The following RSRP1 variants were observed in gnomAD, a reference collection of about 807,000 sequenced individuals.
RSRP1 encodes the protein arginine/serine-rich protein 1.
Under a neutral mutation model 33.0 loss-of-function variants are expected in RSRP1, and 37 were observed. The observed-to-expected ratio is 1.12, with a 90% CI of 0.86 to 1.48. The LOEUF (loss-of-function observed/expected upper bound fraction) is 1.48, where lower values mean the gene tolerates loss of function less well. RSRP1 is among the 40% of genes most tolerant of loss of function. The pLI, the probability that RSRP1 is intolerant of heterozygous loss-of-function variation, is 0.00. For missense variants in RSRP1, 402 were observed against 385.3 expected (o/e 1.04, Z -0.36); for synonymous variants, 167 against 158.7 (o/e 1.05, Z -0.40).
intron 4 of RSRP1, 23 bp from the exon 5 acceptor site, chr1:25,242,728 A>G: frequency 1.4e-6 from 2 of 1,475,238 alleles, no homozygotes; most frequent in Non-Finnish European, 1.9e-6. Flanking sequence ...AAATTCAGTC[A>G]GCTTCCCAAA....
intron 1 of RSRP1, among the ~76,000 whole-genome samples, chr1:25,299,788 C>T (rs1557538764): frequency 7.5e-6 from 1 of 132,560 alleles, no homozygotes; most frequent in African/African-American, 2.6e-5. Flanking sequence ...GTCACTCTGT[C>T]GCTGAAGCTG....
intron 1 of RSRP1, among the ~76,000 whole-genome samples, chr1:25,331,117 A>G (rs141553028): frequency 0.043 from 5,477 of 126,198 alleles, 901 homozygotes; most frequent in African/African-American, 0.14. Context: ...ACAGGTGCCC[A>G]CCATCATGCC....
intron 1 of RSRP1, among the ~76,000 whole-genome samples, chr1:25,255,245 C>T (rs941178442): frequency 6.6e-6 from 1 of 152,176 alleles, no homozygotes; most frequent in African/African-American, 2.4e-5. Context: ...AAGAGGCTTC[C>T]TTTTTGAAGG....
chr1:25,268,149 G>A (rs569283807), intron 1 of RSRP1, among the ~76,000 whole-genome samples: 1 of 133,954 alleles, frequency 7.5e-6, no homozygotes, highest in African/African-American at 2.5e-5. Context: ...TGGTGCTGAG[G>A]ATACAACAGC....
In RSRP1 at chr1:25,311,917, C is replaced by T. The variant is rs1459451543; in HGVS notation, c.-67+26061G>A. On this transcript the variant is annotated intron_variant, in intron 1 of 1. Transcript: ENST00000561867. ...CATTTCAAAGGGTGCTGTGAACAGC[C>T]ACCCCAGAGAGCCCCTAGTAGAGCA... Among the ~76,000 whole-genome samples the T allele has an allele frequency of 8.4e-5, 11 of 130,926 alleles. 1 individual carries two copies. The highest frequency in any genetic ancestry group is 2.9e-4 in the African/African-American group (11 of 37,340). 85.9% of individuals were successfully genotyped at this position (130,926 alleles called of 152,430 possible).
At chr1:25,266,499 T>C (rs597590) in intron 1 of RSRP1, among the ~76,000 whole-genome samples, 1 of 122,110 alleles carries the variant, frequency 8.2e-6, no homozygotes, top group East Asian at 1.9e-4. Flanking sequence ...TGGTAAGAAC[T>C]TGTCCATTTA....
At chr1:25,258,419 C>A (rs559798969) in intron 1 of RSRP1, among the ~76,000 whole-genome samples, 1 of 152,054 alleles carries the variant, frequency 6.6e-6, no homozygotes, top group African/African-American at 2.4e-5. Flanking sequence ...ACGCTGTGAT[C>A]CACCTGCCTG....
chr1:25,283,427 A>C (rs1364979401), intron 1 of RSRP1, among the ~76,000 whole-genome samples: 1 of 130,972 alleles, frequency 7.6e-6, no homozygotes, highest in East Asian at 2.0e-4. Flanking sequence ...GCTACTTGGG[A>C]GGCTGAGGCA....
chr1:25,243,486 C>G (rs929088377), intron 4 of RSRP1, 64 bp downstream of exon 4: 3 of 1,578,534 alleles, frequency 1.9e-6, no homozygotes, highest in Non-Finnish European at 2.6e-6. Flanking sequence ...AAGATAAAAA[C>G]ACAAAGATGC....
Position 25,311,188 on chromosome 1 carries a change from G to A in RSRP1, c.-67+26790C>T, listed in dbSNP as rs998141222. 4.6e-5 allele frequency among the ~76,000 whole-genome samples: 6 copies of A among 131,646 alleles called. 1 individual carries two copies. The highest frequency in any genetic ancestry group is 4.4e-4 in the Admixed American group (6 of 13,576). The allele number at this position is 131,646 out of a possible 152,430, so 86.4% of individuals were successfully genotyped here. A position where few individuals can be genotyped will look rare whatever the true frequency, so the allele number is the denominator to read the frequency against. On this transcript the variant is annotated intron_variant, in intron 1 of 1. Coordinates refer to the RSRP1 transcript ENST00000561867. ...ACTGAAGAACCACGTGTTGGAAACTGGAGCAAAGGTCATCCTTTTTATAAA... is the reference window on the plus strand; with the variant it reads ...ACTGAAGAACCACGTGTTGGAAACTAGAGCAAAGGTCATCCTTTTTATAAA...
intron 1 of RSRP1, among the ~76,000 whole-genome samples, chr1:25,256,204 G>A (rs1029060178): frequency 6.6e-6 from 1 of 150,718 alleles, no homozygotes; most frequent in Non-Finnish European, 1.5e-5. Flanking sequence ...GTCCAGGCCG[G>A]AGTGCAGTGG....
At chr1:25,275,105 C>T (rs1018591768) in intron 1 of RSRP1, among the ~76,000 whole-genome samples, 1 of 132,236 alleles carries the variant, frequency 7.6e-6, no homozygotes, top group African/African-American at 2.6e-5. Context: ...GCCTGGCCAA[C>T]ATGGTAAAAC....
chr1:25,306,481 G>A (rs1165286777), intron 1 of RSRP1: 3 of 1,001,090 alleles, frequency 3.0e-6, no homozygotes, highest in Non-Finnish European at 4.7e-6. Context: ...TCTTTGAGGT[G>A]AGCCTTAGTG....
chr1:25,307,868 C>A lies in RSRP1; in HGVS notation c.-67+30110G>T. The A allele has an allele frequency of 1.6e-6, 2 of 1,281,756 alleles. 1 individual carries two copies. The highest frequency in any genetic ancestry group is 2.6e-5 in the South Asian group (2 of 77,698). 79.4% of individuals were successfully genotyped at this position (1,281,756 alleles called of 1,614,324 possible). ...AGGGGATGAGCTGTGTGAAGCAAGG[C>A]GCCTCTGTGATGGGTTCCAGTGATG... On this transcript the variant is annotated intron_variant, in intron 1 of 1. Transcript: ENST00000561867.
Position 25,271,765 on chromosome 1 carries a change from A to G in RSRP1, c.-66-24736T>C, listed in dbSNP as rs190246820. Among the ~76,000 whole-genome samples the G allele has an allele frequency of 1.3e-4, 17 of 131,204 alleles. 1 individual carries two copies. Among genetic ancestry groups the G allele is most frequent in the East Asian group, 5.9e-4 (3 of 5,092 alleles). The allele number at this position is 131,204 out of a possible 152,430, so 86.1% of individuals were successfully genotyped here. On this transcript the variant is annotated intron_variant, in intron 1 of 1. Transcript: ENST00000561867. ...ATGCTGAGGCTGGTGGCCTTCCTCA[A>G]ATGCACTGTAGTGCCCCAGGCAGAG...
chr1:25,248,386 T>C (rs1639642390), upstream of RSRP1: 1 of 133,034 alleles, frequency 7.5e-6, no homozygotes, highest in African/African-American at 2.8e-5. Context: ...AGGGTCTCAC[T>C]CGCCCAGGCT....
chr1:25,301,198 T>C lies in RSRP1; in HGVS notation c.-67+36780A>G. The C allele has an allele frequency of 1.9e-6, 2 of 1,059,228 alleles. 1 individual carries two copies. The highest frequency in any genetic ancestry group is 2.9e-6 in the Non-Finnish European group (2 of 689,964). The allele number at this position is 1,059,228 out of a possible 1,614,324, so 65.6% of individuals were successfully genotyped here. ...CCCTCCTTTACCAAGTTCCCCTGGG[T>C]GTCTGAAGCCCTTCCATCATGATTC... is the stretch of plus-strand genomic sequence containing the variant. On this transcript the variant is annotated intron_variant, in intron 1 of 1. Transcript: ENST00000561867.
chr1:25,334,752 A>T (rs1645058020), intron 1 of RSRP1, among the ~76,000 whole-genome samples: 1 of 133,438 alleles, frequency 7.5e-6, no homozygotes, highest in Non-Finnish European at 1.8e-5. Flanking sequence ...GAAGCTGTCA[A>T]GGCTTGGGGC....
In RSRP1 at chr1:25,246,898, C is replaced by T; in HGVS notation, c.66G>A (p.Ser22=). The part of the protein sequence containing the change: ...SPQEKDSPST[S]RSGGSSRLSS... ...ACAGCCGGCTGGACCCGCCCGACCG[C>T]GAGGTCGAGGGCGAATCCTTCTCCT... The change falls in exon 2 of 5, where the codon TCG becomes TCA. Residue 22 remains serine, a synonymous_variant. Transcript: ENST00000243189. 1 of 1,605,092 alleles carries T rather than the reference C, an allele frequency of 6.2e-7. No homozygotes were observed. Among genetic ancestry groups the T allele is most frequent in the Non-Finnish European group, 8.5e-7 (1 of 1,173,702 alleles).
Sources: allele counts gnomAD v4.1 joint callset (sites outside exome capture counted in the v4.1 genomes callset), GRCh38; gene constraint gnomAD v4.1.1; transcripts MANE v1.5; gene names NCBI Gene and HGNC (gene_info 2026-07-23, HGNC 2026-07-21).